Variants in STK32B observed in about 807,000 individuals in gnomAD.
The protein encoded by STK32B is serine/threonine-protein kinase 32B.
In STK32B, 43 loss-of-function variants were observed where a neutral mutation model predicts 52.6. That is an observed-to-expected ratio of 0.82 (90% confidence interval 0.64 to 1.05). The LOEUF (loss-of-function observed/expected upper bound fraction) is 1.05, where lower values mean the gene tolerates loss of function less well. STK32B is among the 50% of genes least tolerant of loss of function. The pLI is 0.00. For missense variants in STK32B, 621 were observed against 534.6 expected (o/e 1.16, Z -1.59); for synonymous variants, 238 against 204.3 (o/e 1.17, Z -1.41).
At chr4:5,480,021 T>G (rs1171356214) in intron 11 of STK32B, among the ~76,000 whole-genome samples, 7 of 152,196 alleles carry the variant, frequency 4.6e-5, no homozygotes, top group African/African-American at 1.7e-4. Flanking sequence ...GGTATTAATA[T>G]GTACTTCATA....
intron 3 of STK32B, among the ~76,000 whole-genome samples, chr4:5,267,706 G>A (rs2108852400): frequency 6.6e-6 from 1 of 152,312 alleles, no homozygotes; most frequent in Admixed American, 6.5e-5. Context: ...CCAAAGAGTA[G>A]AGAGAGAACA....
At chr4:5,401,658 G>A (rs1441497443) in intron 5 of STK32B, among the ~76,000 whole-genome samples, 3 of 152,192 alleles carry the variant, frequency 2.0e-5, no homozygotes, top group Non-Finnish European at 2.9e-5. Flanking sequence ...CAGCATCTCA[G>A]AACAAGGCAG....
intron 7 of STK32B, among the ~76,000 whole-genome samples, chr4:5,456,385 C>T (rs544436337): frequency 6.6e-5 from 10 of 152,340 alleles, no homozygotes; most frequent in South Asian, 6.2e-4. Flanking sequence ...CAGTTCGGCC[C>T]GGACAGGGAA....
chr4:5,253,832 A>G, intron 3 of STK32B, among the ~76,000 whole-genome samples: 1 of 152,246 alleles, frequency 6.6e-6, no homozygotes, highest in Non-Finnish European at 1.5e-5. Context: ...CTGGGGATGG[A>G]TAATGGTATC....
intron 4 of STK32B, among the ~76,000 whole-genome samples, chr4:5,342,266 C>T (rs1471501769): frequency 6.6e-6 from 1 of 152,122 alleles, no homozygotes; most frequent in Non-Finnish European, 1.5e-5. Context: ...TTTATTGTGT[C>T]ACTATTCACA....
At chr4:5,341,631 T>C (rs901558696) in intron 4 of STK32B, among the ~76,000 whole-genome samples, 9 of 152,154 alleles carry the variant, frequency 5.9e-5, no homozygotes, top group Admixed American at 5.2e-4. Context: ...TGTAAAGAAA[T>C]ACATGAGACT....
At chr4:5,191,408 G>A (rs1317563725) in intron 3 of STK32B, among the ~76,000 whole-genome samples, 6 of 151,968 alleles carry the variant, frequency 3.9e-5, no homozygotes, top group Non-Finnish European at 7.4e-5. Flanking sequence ...ACACCACCAC[G>A]CCTGGCTAAT....
intron 2 of STK32B, among the ~76,000 whole-genome samples, chr4:5,141,774 G>C (rs1283404602): frequency 6.6e-6 from 1 of 152,220 alleles, no homozygotes; most frequent in South Asian, 2.1e-4. Flanking sequence ...GTAGCTCAGA[G>C]GCTGTCTGAT....
chr4:5,108,702 G>A (rs898898115), intron 1 of STK32B, among the ~76,000 whole-genome samples: 11 of 152,112 alleles, frequency 7.2e-5, no homozygotes, highest in Non-Finnish European at 8.8e-5. Context: ...TCGCAGAGTC[G>A]GTAGTTCAAG....
chr4:5,169,792 C>T (rs1577134754), intron 3 of STK32B, among the ~76,000 whole-genome samples: 1 of 152,090 alleles, frequency 6.6e-6, no homozygotes, highest in Admixed American at 6.6e-5. Flanking sequence ...GTGTTCTTGG[C>T]AAAATATAGA....
chr4:5,055,045 G>C (rs1403230760), intron 1 of STK32B, among the ~76,000 whole-genome samples: 1 of 151,980 alleles, frequency 6.6e-6, no homozygotes, highest in African/African-American at 2.4e-5. Flanking sequence ...GGGCACGTTA[G>C]CTGAGCCTCC....
intron 4 of STK32B, among the ~76,000 whole-genome samples, chr4:5,353,223 C>T (rs1334817959): frequency 6.6e-6 from 1 of 152,064 alleles, no homozygotes; most frequent in African/African-American, 2.4e-5. Context: ...TGAAACTGGA[C>T]TCATCTCTCA....
At chr4:5,449,344 C>G (rs1715768476) in intron 7 of STK32B, among the ~76,000 whole-genome samples, 1 of 152,058 alleles carries the variant, frequency 6.6e-6, no homozygotes, top group African/African-American at 2.4e-5. Flanking sequence ...GACTCTGTCT[C>G]ACATAAAAAG....
At chr4:5,267,189 A>T (rs1419201967) in intron 3 of STK32B, among the ~76,000 whole-genome samples, 1 of 152,196 alleles carries the variant, frequency 6.6e-6, no homozygotes, top group Non-Finnish European at 1.5e-5. Flanking sequence ...GGAGGATCTG[A>T]AAGATTCCCA....
chr4:5,290,517 G>A (rs371633402), intron 3 of STK32B, among the ~76,000 whole-genome samples: 4 of 152,208 alleles, frequency 2.6e-5, no homozygotes, highest in East Asian at 1.9e-4. Context: ...CTTTATCTCC[G>A]TTATAATCTC....
At chr4:5,041,531 G>A in the STK32B span, among the ~76,000 whole-genome samples, 10 of 152,192 alleles carry the variant, frequency 6.6e-5, no homozygotes, top group African/African-American at 2.4e-4. Context: ...GGGCTACCAA[G>A]TTCCCAACTA....
chr4:5,285,909 C>G (rs1414696920), intron 3 of STK32B, among the ~76,000 whole-genome samples: 1 of 152,076 alleles, frequency 6.6e-6, no homozygotes, highest in Non-Finnish European at 1.5e-5. Context: ...TATTTGGAGA[C>G]AGGTTCTTTA....
intron 3 of STK32B, among the ~76,000 whole-genome samples, chr4:5,259,064 C>T (rs1209663230): frequency 1.3e-5 from 2 of 152,170 alleles, no homozygotes; most frequent in Non-Finnish European, 2.9e-5. Context: ...TGACAACCTC[C>T]CTTTCTCCTC....
chr4:5,316,193 TTAG>T (rs1730684927), intron 3 of STK32B, among the ~76,000 whole-genome samples: 1 of 86,396 alleles, frequency 1.2e-5, no homozygotes, highest in African/African-American at 8.1e-5. Context: ...ATATATATAT[TTAG>T]ATATATAATA....
Sources: gnomAD v4.1 joint callset for allele counts (sites outside exome capture counted in the v4.1 genomes callset) on GRCh38, gnomAD v4.1.1 for gene constraint, MANE v1.5 for transcripts, NCBI Gene and HGNC (gene_info 2026-07-23, HGNC 2026-07-21) for gene names.